Variants in HELQ observed in about 807,000 individuals in gnomAD.
HELQ encodes the protein helicase POLQ-like.
In HELQ, 77 loss-of-function variants were observed where a neutral mutation model predicts 111.6. That is an observed-to-expected ratio of 0.69 (90% CI 0.57 to 0.83). The LOEUF is 0.83. HELQ is among the 40% of genes least tolerant of loss of function. The pLI is 0.00. For synonymous variants in HELQ, 438 were observed against 454.7 expected (o/e 0.96, Z 0.47); for missense variants, 1,200 against 1,288.5 (o/e 0.93, Z 1.05).
intron 15 of HELQ, among the ~76,000 whole-genome samples, chr4:83,420,558 G>A (rs1739622645): frequency 6.6e-6 from 1 of 152,164 alleles, no homozygotes; most frequent in Non-Finnish European, 1.5e-5. Context: ...GCCCAGGCAG[G>A]TGGATCACTT....
At chr4:83,422,315 C>G (rs902494802) in intron 14 of HELQ, among the ~76,000 whole-genome samples, 2 of 152,126 alleles carry the variant, frequency 1.3e-5, no homozygotes, top group Admixed American at 6.6e-5. Context: ...AATTGTACCC[C>G]CTCTCCATCA....
At chr4:83,415,209 T>C (rs928924167) in intron 17 of HELQ, among the ~76,000 whole-genome samples, 1 of 152,194 alleles carries the variant, frequency 6.6e-6, no homozygotes, top group African/African-American at 2.4e-5. Flanking sequence ...AATGGCAAAC[T>C]GGGTTGCATC....
At chr4:83,420,545 G>A (rs1174763701) in intron 15 of HELQ, among the ~76,000 whole-genome samples, 5 of 151,982 alleles carry the variant, frequency 3.3e-5, no homozygotes, top group African/African-American at 4.8e-5. Flanking sequence ...AACACTTTGC[G>A]AAGCCCAGGC....
chr4:83,426,363 G>A (rs1458143602), intron 13 of HELQ, among the ~76,000 whole-genome samples: 1 of 151,552 alleles, frequency 6.6e-6, no homozygotes, highest in Non-Finnish European at 1.5e-5. Flanking sequence ...GGAAGGAGAA[G>A]GAAAGGTTTG....
In HELQ at chr4:83,434,385, A is replaced by G. The variant is rs1050997010; in HGVS notation, c.2049-2118T>C. ...AGAGTAAGACTCTGTCTCACAAAAA[A>G]GAAAATTCAATTGAAGAACTGAATA... On this transcript the variant is annotated intron_variant, in intron 9 of 17. Transcript: ENST00000295488. Among the ~76,000 whole-genome samples, 79 of 152,226 alleles carry G rather than the reference A, an allele frequency of 5.2e-4. 1 individual carries two copies. The highest frequency in any genetic ancestry group is 1.8e-3 in the African/African-American group (75 of 41,464).
intron 14 of HELQ, among the ~76,000 whole-genome samples, chr4:83,425,352 T>A (rs1578076463): frequency 7.3e-6 from 1 of 137,730 alleles, no homozygotes; most frequent in African/African-American, 2.8e-5. Flanking sequence ...GATTGCCAAA[T>A]AAAATTTAAA....
intron 12 of HELQ, 78 bp downstream of exon 12, chr4:83,429,446 G>A: frequency 9.0e-7 from 1 of 1,107,246 alleles, no homozygotes; most frequent in Non-Finnish European, 1.3e-6. Context: ...ACTGTGCCCA[G>A]CTTAAAGAAA....
intron 2 of HELQ, among the ~76,000 whole-genome samples, chr4:83,450,817 T>C (rs573375340): frequency 7.9e-5 from 12 of 151,978 alleles, no homozygotes; most frequent in Non-Finnish European, 1.3e-4. Context: ...TATAAAAAAA[T>C]TAGCTGGGTA....
At chr4:83,438,628 G>C (rs561579921) in intron 8 of HELQ, among the ~76,000 whole-genome samples, 1 of 151,880 alleles carries the variant, frequency 6.6e-6, no homozygotes, top group East Asian at 1.9e-4. Flanking sequence ...TGTAGTCCCA[G>C]CTACTTGGGA....
chr4:83,449,018 A>C (rs1721209159), intron 2 of HELQ, 57 bp from the exon 3 acceptor site: 1 of 1,274,172 alleles, frequency 7.8e-7, no homozygotes, highest in South Asian at 1.4e-5. Context: ...TGAAACTCAA[A>C]AGTTTTCTAA....
rs141425283 is a variant in HELQ, at chr4:83,436,897, G to A, written c.2009C>T (p.Thr670Ile). The change falls in exon 9 of 18, where the codon ACA (threonine) becomes ATA (isoleucine). Residue 670 changes from threonine to isoleucine, a missense_variant. Around this residue, in one of 3 missense-constraint regions of HELQ, gnomAD observed 585 missense variants for 665.3 expected, o/e 0.88. Transcript: ENST00000295488. ...GTTGACACCTGCCGCTAGGGTAGAT[G>A]TGCAGGTAAAAAGACAGAGCACTCC... The part of the protein sequence containing the change: ...STGVLCLFTC[T>I]STLAAGVNLP... 6.2e-7 allele frequency: 1 copy of A among 1,614,144 alleles called. No individual in the cohort carries two copies. Among genetic ancestry groups the A allele is most frequent in the South Asian group, 1.1e-5 (1 of 91,082 alleles).
At chr4:83,453,191 G>C in intron 2 of HELQ, 40 bp downstream of exon 2, 1 of 1,261,028 alleles carries the variant, frequency 7.9e-7, no homozygotes, top group South Asian at 1.3e-5. Flanking sequence ...TTATGGTAAT[G>C]ATAGGAAAAA....
intron 4 of HELQ, among the ~76,000 whole-genome samples, chr4:83,446,628 A>G (rs989691973): frequency 6.6e-6 from 1 of 152,174 alleles, no homozygotes; most frequent in Non-Finnish European, 1.5e-5. Flanking sequence ...TACTACACAC[A>G]TACGTGTTCA....
At chr4:83,425,204 T>C in intron 14 of HELQ, among the ~76,000 whole-genome samples, 1 of 146,998 alleles carries the variant, frequency 6.8e-6, no homozygotes, top group East Asian at 2.0e-4. Flanking sequence ...TGCTTGAACC[T>C]GGAAGGTGGA....
chr4:83,427,667 G>C lies in HELQ; in HGVS notation c.2572C>G (p.Leu858Val). The part of the protein sequence containing the change: ...DILYRDLKKG[L>V]EGLVLESLLH... The stretch of plus-strand genomic sequence containing the variant: ...AGGCTTTCAAGCACAAGTCCTTCAA[G>C]ACCTTTCTTCAAGTCTCTGTACAGA... The change falls in exon 13 of 18, where the codon CTT becomes GTT. Residue 858 changes from leucine (L) to valine (V), a missense_variant. Coordinates refer to ENST00000295488, the MANE Select transcript of HELQ (RefSeq NM_133636.5). 1 of 1,604,738 alleles carries C rather than the reference G, an allele frequency of 6.2e-7. No individual in the cohort carries two copies. The highest frequency in any genetic ancestry group is 1.3e-5 in the African/African-American group (1 of 74,376).
chr4:83,453,953 G>A lies in HELQ; in HGVS notation c.298-8C>T, dbSNP rs758005953. On this transcript the variant is annotated splice_region_variant and splice_polypyrimidine_tract_variant and intron_variant, in intron 1 of 17. Coordinates refer to ENST00000295488, the MANE Select transcript of HELQ (RefSeq NM_133636.5). ...CACTTCACTGTCATTAGGCTGCAAA[G>A]AGAACAAAAACGCTTATGGTCAATT... is the stretch of plus-strand genomic sequence containing the variant. The A allele has an allele frequency of 4.5e-6, 7 of 1,539,442 alleles. No individual in the cohort carries two copies. The highest frequency in any genetic ancestry group is 4.1e-5 in the African/African-American group (3 of 72,480).
intron 1 of HELQ, among the ~76,000 whole-genome samples, 161 bp from the exon 2 acceptor site, chr4:83,454,106 G>C (rs946190447): frequency 1.3e-5 from 2 of 152,178 alleles, no homozygotes; most frequent in African/African-American, 2.4e-5. Flanking sequence ...CGGAGGCTCA[G>C]GCAGGAGAAT....
chr4:83,417,369 A>G (rs1195794365), intron 16 of HELQ, among the ~76,000 whole-genome samples: 1 of 151,832 alleles, frequency 6.6e-6, no homozygotes, highest in East Asian at 1.9e-4. Flanking sequence ...TACTTGGCTA[A>G]TTTTTGTATT....
At chr4:83,413,926 T>C (rs574342643) in intron 17 of HELQ, among the ~76,000 whole-genome samples, 54 of 152,344 alleles carry the variant, frequency 3.5e-4, no homozygotes, top group African/African-American at 1.3e-3. Context: ...TCCAGTCAAC[T>C]TCTGACTACA....
Sources: allele counts gnomAD v4.1 joint callset (sites outside exome capture counted in the v4.1 genomes callset), GRCh38; gene constraint gnomAD v4.1.1; regional missense constraint gnomAD v4.1.1; transcripts MANE v1.5; gene names NCBI Gene and HGNC (gene_info 2026-07-23, HGNC 2026-07-21).